The following CACNA1E variants were observed in gnomAD, a reference collection of about 807,000 sequenced individuals.
The protein encoded by CACNA1E is calcium voltage-gated channel subunit alpha1 E.
CACNA1E carries 40 observed loss-of-function variants against 259.2 expected under a neutral mutation model. That is an observed-to-expected ratio of 0.15 (90% confidence interval 0.12 to 0.20). CACNA1E has a LOEUF of 0.20. Among genes scored for constraint, CACNA1E ranks in the 10% least tolerant of loss-of-function variants. The pLI, the probability that CACNA1E is intolerant of heterozygous loss-of-function variation, is 1.00. For missense variants in CACNA1E, 1,874 were observed against 3,040.1 expected, an observed-to-expected ratio of 0.62 and a Z score of 9.02; for synonymous variants, 1,104 against 1,138.5, an observed-to-expected ratio of 0.97 and a Z score of 0.61.
chr1:181,619,017 T>C (rs912508789), intron 6 of CACNA1E, among the ~76,000 whole-genome samples: 5 of 152,202 alleles, frequency 3.3e-5, no homozygotes, highest in Non-Finnish European at 7.3e-5. Context: ...CAAATTTTTG[T>C]TGAGTATCAA....
chr1:181,671,661 A>G (rs895554145), intron 7 of CACNA1E, among the ~76,000 whole-genome samples: 3 of 152,186 alleles, frequency 2.0e-5, no homozygotes, highest in Non-Finnish European at 4.4e-5. Context: ...AGGAGAAATG[A>G]TGCTTGTGTT....
At chr1:181,589,072 C>T (rs1336593649) in intron 6 of CACNA1E, among the ~76,000 whole-genome samples, 2 of 152,146 alleles carry the variant, frequency 1.3e-5, no homozygotes, top group Non-Finnish European at 2.9e-5. Context: ...TTGGAATCAT[C>T]CAGGGGTAAT....
chr1:181,533,083 G>A (rs1413500360), intron 3 of CACNA1E, among the ~76,000 whole-genome samples: 1 of 151,900 alleles, frequency 6.6e-6, no homozygotes, highest in African/African-American at 2.4e-5. Context: ...ATTAAGTCCT[G>A]AACCAAGTTT....
intron 7 of CACNA1E, among the ~76,000 whole-genome samples, chr1:181,653,158 T>A (rs1658909895): frequency 6.6e-6 from 1 of 152,030 alleles, no homozygotes; most frequent in South Asian, 2.1e-4. Context: ...GAGAGAAACT[T>A]CATTTTCTTA....
At chr1:181,340,610 G>C (rs9804115) in intron 1 of CACNA1E, among the ~76,000 whole-genome samples, 27,779 of 151,966 alleles carry the variant, frequency 0.18, 2,707 homozygotes, top group South Asian at 0.21. Flanking sequence ...TAAATTAAAA[G>C]CTTCTTCATC....
chr1:181,396,648 T>A (rs1364167965), intron 1 of CACNA1E, among the ~76,000 whole-genome samples: 1 of 151,752 alleles, frequency 6.6e-6, no homozygotes, highest in Non-Finnish European at 1.5e-5. Context: ...ATCCAACGAG[T>A]GAAAAATTGA....
chr1:181,345,515 G>A (rs1652522470), intron 1 of CACNA1E, among the ~76,000 whole-genome samples: 1 of 152,190 alleles, frequency 6.6e-6, no homozygotes, highest in Non-Finnish European at 1.5e-5. Context: ...ACTCCCCAGG[G>A]TCTGCTGGCT....
At chr1:181,617,674 T>C (rs763094900) in intron 6 of CACNA1E, among the ~76,000 whole-genome samples, 9 of 152,208 alleles carry the variant, frequency 5.9e-5, no homozygotes, top group Non-Finnish European at 1.2e-4. Flanking sequence ...AGCATGTTCT[T>C]TGCCAACATT....
At chr1:181,357,705 T>A (rs1271143127) in intron 1 of CACNA1E, among the ~76,000 whole-genome samples, 1 of 152,184 alleles carries the variant, frequency 6.6e-6, no homozygotes, top group Non-Finnish European at 1.5e-5. Flanking sequence ...AAAGGGTATT[T>A]GGTTTTTCTT....
chr1:181,641,430 T>G (rs1657735077), intron 6 of CACNA1E, among the ~76,000 whole-genome samples: 1 of 152,224 alleles, frequency 6.6e-6, no homozygotes, highest in African/African-American at 2.4e-5. Context: ...GGCAGCCCAC[T>G]GTGGCCTTAG....
In CACNA1E at chr1:181,505,153, C is replaced by G. The variant is rs1246534502; in HGVS notation, c.267-5324C>G. 5.3e-5 allele frequency among the ~76,000 whole-genome samples: 8 copies of G among 152,200 alleles called. No homozygotes were observed. In the East Asian group the frequency reaches 1.5e-3, roughly 29 times the overall value. ...TCTCTGGCCATCGCATTCCTCCTCA[C>G]TCTCAGGTTGGGATGGGTTTTTGTG... On this transcript the variant is annotated intron_variant, in intron 1 of 47. Coordinates refer to ENST00000367573, the MANE Select transcript of CACNA1E (RefSeq NM_001205293.3).
At chr1:181,404,193 T>C (rs1214304782) in intron 1 of CACNA1E, among the ~76,000 whole-genome samples, 1 of 151,952 alleles carries the variant, frequency 6.6e-6, no homozygotes, top group Non-Finnish European at 1.5e-5. Flanking sequence ...GTGCACAAGG[T>C]TGGGGGATGG....
intron 1 of CACNA1E, among the ~76,000 whole-genome samples, chr1:181,388,851 A>G (rs1224788328): frequency 6.6e-6 from 1 of 151,800 alleles, no homozygotes; most frequent in African/African-American, 2.4e-5. Context: ...AGATGGCGCC[A>G]TTGCACTCCA....
intron 3 of CACNA1E, among the ~76,000 whole-genome samples, chr1:181,570,293 T>C (rs548844474): frequency 4.5e-4 from 68 of 152,160 alleles, no homozygotes; most frequent in Non-Finnish European, 4.4e-5. Flanking sequence ...GGGATTTGGG[T>C]GCAGGGGGAC....
chr1:181,741,842 T>G (rs1656606936), intron 25 of CACNA1E, among the ~76,000 whole-genome samples: 1 of 152,218 alleles, frequency 6.6e-6, no homozygotes, highest in Admixed American at 6.5e-5. Context: ...TCAGACCAGG[T>G]ACAGTGCAGG....
intron 1 of CACNA1E, among the ~76,000 whole-genome samples, chr1:181,388,594 A>C (rs1049800520): frequency 6.6e-6 from 1 of 152,232 alleles, no homozygotes; most frequent in Non-Finnish European, 1.5e-5. Flanking sequence ...TACAATAAAA[A>C]TATGGTATTA....
intron 2 of CACNA1E, among the ~76,000 whole-genome samples, chr1:181,447,275 C>G (rs911104741): frequency 3.9e-5 from 6 of 151,904 alleles, no homozygotes; most frequent in African/African-American, 1.5e-4. Context: ...GCCTTCATTC[C>G]CAGAGCTTTG....
intron 40 of CACNA1E, 72 bp downstream of exon 40, chr1:181,783,856 A>G: frequency 1.0e-6 from 1 of 964,854 alleles, no homozygotes; most frequent in South Asian, 1.3e-5. Context: ...CACAGGATGG[A>G]GATATTTGAA....
intron 1 of CACNA1E, among the ~76,000 whole-genome samples, chr1:181,339,395 T>C (rs1651975743): frequency 6.6e-6 from 1 of 152,178 alleles, no homozygotes; most frequent in African/African-American, 2.4e-5. Context: ...GTTAAATTTA[T>C]TCCTGAGTAT....
Sources: gnomAD v4.1 joint callset for allele counts (sites outside exome capture counted in the v4.1 genomes callset) on GRCh38, gnomAD v4.1.1 for gene constraint, MANE v1.5 for transcripts, NCBI Gene and HGNC (gene_info 2026-07-23, HGNC 2026-07-21) for gene names.